Variants in XXYLT1 observed in about 807,000 individuals in gnomAD.
The protein encoded by XXYLT1 is UDP-xylose:alpha-xyloside alpha-1,3-xylosyltransferase.
A neutral mutation model predicts 28.9 loss-of-function variants in XXYLT1; 20 were observed. The observed-to-expected ratio is 0.69, with a 90% CI of 0.49 to 1.00. XXYLT1 has a LOEUF of 1.00. XXYLT1 is among the 50% of genes least tolerant of loss of function. XXYLT1 has a pLI of 0.00. For synonymous variants in XXYLT1, 257 were observed against 253.8 expected (o/e 1.01, Z -0.12); for missense variants, 542 against 560.1 (o/e 0.97, Z 0.33).
intron 3 of XXYLT1, among the ~76,000 whole-genome samples, chr3:195,125,069 C>T (rs184845490): frequency 1.3e-3 from 202 of 152,192 alleles, no homozygotes; most frequent in Admixed American, 5.8e-3. Context: ...GCTTGATCCC[C>T]GCCCTCAAGA....
At chr3:195,114,282 G>A (rs1044976970) in intron 3 of XXYLT1, among the ~76,000 whole-genome samples, 1 of 152,184 alleles carries the variant, frequency 6.6e-6, no homozygotes, top group African/African-American at 2.4e-5. Flanking sequence ...GCCCAAATTT[G>A]TTTCTCCACA....
intron 2 of XXYLT1, among the ~76,000 whole-genome samples, chr3:195,220,909 T>C (rs909508680): frequency 2.0e-5 from 3 of 152,118 alleles, no homozygotes; most frequent in African/African-American, 7.2e-5. Flanking sequence ...GAATATAGTA[T>C]GGCAAGGGGG....
intron 2 of XXYLT1, among the ~76,000 whole-genome samples, chr3:195,171,913 G>A (rs1166154539): frequency 1.3e-5 from 2 of 152,210 alleles, no homozygotes; most frequent in African/African-American, 2.4e-5. Context: ...TGTCAGTGAT[G>A]GAAGATTTGA....
Position 195,180,216 on chromosome 3 carries a change from C to G in XXYLT1, c.653-23635G>C, listed in dbSNP as rs905769313. On this transcript the variant is annotated intron_variant, in intron 2 of 3. Coordinates refer to ENST00000310380, the MANE Select transcript of XXYLT1 (RefSeq NM_152531.5). The surrounding 1 kb of genome is among the most constrained non-coding windows in gnomAD (Gnocchi z 5.8). ...CTGGCTTATGCACAGTCATTTCTAA[C>G]GCCAGATCCCCGTCTCTGCACTGAC... 1.4e-6 allele frequency: 1 copy of G among 720,212 alleles called. No homozygotes were observed. The allele number at this position is 720,212 out of a possible 1,614,324, so 44.6% of individuals were successfully genotyped here. A position where few individuals can be genotyped will look rare whatever the true frequency, so the allele number is the denominator to read the frequency against.
chr3:195,226,861 A>G lies in XXYLT1; in HGVS notation c.505-5T>C. The stretch of plus-strand genomic sequence containing the variant: ...AGCAACATCGTGGAAGATGACCTGC[A>G]GCAGGTGCAAAAAAAACCAAGGCTC... On this transcript the variant is annotated splice_region_variant and splice_polypyrimidine_tract_variant and intron_variant, in intron 1 of 3. Coordinates refer to ENST00000310380, the MANE Select transcript of XXYLT1 (RefSeq NM_152531.5). 6.2e-7 allele frequency: 1 copy of G among 1,612,806 alleles called. No homozygotes were observed. The highest frequency in any genetic ancestry group is 1.3e-5 in the African/African-American group (1 of 74,904).
intron 1 of XXYLT1, among the ~76,000 whole-genome samples, chr3:195,239,934 C>T (rs1290391880): frequency 1.3e-5 from 2 of 152,168 alleles, no homozygotes; most frequent in Non-Finnish European, 2.9e-5. Flanking sequence ...GGGTTCTTCA[C>T]CGGCCTATAA....
intron 1 of XXYLT1, among the ~76,000 whole-genome samples, chr3:195,239,326 C>G (rs1724683705): frequency 6.6e-6 from 1 of 152,118 alleles, no homozygotes; most frequent in Non-Finnish European, 1.5e-5. Context: ...TGATGCCTGG[C>G]AGTGCGGCAG....
At chr3:195,131,700 C>G (rs1718914068) in intron 3 of XXYLT1, among the ~76,000 whole-genome samples, 1 of 152,198 alleles carries the variant, frequency 6.6e-6, no homozygotes, top group African/African-American at 2.4e-5. Flanking sequence ...GGTGATGAGG[C>G]AGGCAGGAGG....
chr3:195,253,324 G>C (rs748438928), intron 1 of XXYLT1, among the ~76,000 whole-genome samples: 32 of 152,128 alleles, frequency 2.1e-4, no homozygotes, highest in Non-Finnish European at 4.3e-4. Context: ...GAAGTCAACA[G>C]CTCCAGAAAT....
intron 3 of XXYLT1, among the ~76,000 whole-genome samples, chr3:195,075,871 T>C (rs1451837824): frequency 6.6e-6 from 1 of 152,226 alleles, no homozygotes; most frequent in African/African-American, 2.4e-5. Flanking sequence ...GCGCGGCTGT[T>C]GCTTTGCAGG....
chr3:195,115,125 C>T lies in XXYLT1; in HGVS notation c.785+41324G>A, dbSNP rs958022. Among the ~76,000 whole-genome samples the T allele has an allele frequency of 2.0e-5, 3 of 152,172 alleles. No individual in the cohort carries two copies. Among genetic ancestry groups the T allele is most frequent in the African/African-American group, 7.2e-5 (3 of 41,432 alleles). ...CTAAGCTTCCCAGATGCCCAAACGGCGAGAGCTCGGGACGTGAATCAGGTG... is the reference window on the plus strand; with the variant it reads ...CTAAGCTTCCCAGATGCCCAAACGGTGAGAGCTCGGGACGTGAATCAGGTG... On this transcript the variant is annotated intron_variant, in intron 3 of 3. Coordinates refer to ENST00000310380, the MANE Select transcript of XXYLT1 (RefSeq NM_152531.5). The surrounding 1 kb of genome is among the most constrained non-coding windows in gnomAD (Gnocchi z 4.2).
intron 2 of XXYLT1, among the ~76,000 whole-genome samples, chr3:195,192,059 G>A (rs1722443273): frequency 6.6e-6 from 1 of 152,158 alleles, no homozygotes; most frequent in Non-Finnish European, 1.5e-5. Context: ...TCTGCACATT[G>A]AAGAACACAC....
intron 3 of XXYLT1, among the ~76,000 whole-genome samples, chr3:195,143,815 G>GATAT (rs1162726602): frequency 6.7e-4 from 52 of 77,350 alleles, no homozygotes; most frequent in African/African-American, 2.1e-3. Flanking sequence ...GATATATATA[G>GATAT]ATATAGATAT....
rs905595697 is a variant in XXYLT1, at chr3:195,148,830, C to A, written c.785+7619G>T. 8.5e-5 allele frequency among the ~76,000 whole-genome samples: 13 copies of A among 152,278 alleles called. No individual in the cohort carries two copies. In the East Asian group the frequency reaches 2.5e-3, roughly 29 times the overall value. Reference sequence around the variant, plus strand: ...ATATAACTCTCCTCAGCTCTAAACTCGGCCACAGCAGATGTGTTTTTAAGA... The same window carrying A: ...ATATAACTCTCCTCAGCTCTAAACTAGGCCACAGCAGATGTGTTTTTAAGA... On this transcript the variant is annotated intron_variant, in intron 3 of 3. Coordinates refer to ENST00000310380, the MANE Select transcript of XXYLT1 (RefSeq NM_152531.5).
Position 195,073,563 on chromosome 3 carries a change from C to T in XXYLT1, c.786-3452G>A, listed in dbSNP as rs114802374. Among the ~76,000 whole-genome samples, 560 of 152,200 alleles carry T rather than the reference C, an allele frequency of 3.7e-3. 4 individuals are homozygous for T. The highest frequency in any genetic ancestry group is 6.3e-3 in the Non-Finnish European group (429 of 68,018). ...CGTCCGGCCTGTGGAGAGTCTTGTT[C>T]CTGTCTTCCATAGTCACCTGGAGAC... On this transcript the variant is annotated intron_variant, in intron 3 of 3. Transcript: ENST00000310380.
intron 2 of XXYLT1, among the ~76,000 whole-genome samples, chr3:195,193,759 C>T (rs545048787): frequency 6.6e-6 from 1 of 152,028 alleles, no homozygotes; most frequent in East Asian, 1.9e-4. Flanking sequence ...ATATTTTCAA[C>T]AAAAATGTGA....
chr3:195,194,539 T>G (rs73890723), intron 2 of XXYLT1, among the ~76,000 whole-genome samples: 1 of 152,192 alleles, frequency 6.6e-6, no homozygotes, highest in Admixed American at 6.5e-5. Context: ...ATTTCCCATA[T>G]GACCCAGCAA....
At chr3:195,156,282 C>T (rs1432941903) in intron 3 of XXYLT1, among the ~76,000 whole-genome samples, 167 bp downstream of exon 3, 3 of 152,234 alleles carry the variant, frequency 2.0e-5, no homozygotes, top group Non-Finnish European at 4.4e-5. Flanking sequence ...GATAGACCCA[C>T]CTGCCCATAC....
In XXYLT1 at chr3:195,180,210, T is replaced by C. The variant is rs1721881086; in HGVS notation, c.653-23629A>G. On this transcript the variant is annotated intron_variant, in intron 2 of 3. Coordinates refer to ENST00000310380, the MANE Select transcript of XXYLT1 (RefSeq NM_152531.5). This position sits in a 1 kb window ranked among gnomAD's most constrained non-coding sequence, Gnocchi z 5.8. Reference sequence around the variant, plus strand: ...GGTGGTCTGGCTTATGCACAGTCATTTCTAACGCCAGATCCCCGTCTCTGC... The same window carrying C: ...GGTGGTCTGGCTTATGCACAGTCATCTCTAACGCCAGATCCCCGTCTCTGC... 6.6e-6 allele frequency among the ~76,000 whole-genome samples: 1 copy of C among 152,058 alleles called. No individual in the cohort carries two copies. The highest frequency in any genetic ancestry group is 1.5e-5 in the Non-Finnish European group (1 of 68,002).
Sources: allele counts gnomAD v4.1 joint callset (sites outside exome capture counted in the v4.1 genomes callset), GRCh38; gene constraint gnomAD v4.1.1; non-coding constraint Gnocchi (gnomAD v3.1); transcripts MANE v1.5; gene names NCBI Gene and HGNC (gene_info 2026-07-23, HGNC 2026-07-21).